The following OR8G1 variants were observed in gnomAD, a reference collection of about 807,000 sequenced individuals.
OR8G1 encodes the protein olfactory receptor family 8 subfamily G member 1.
For missense variants in OR8G1, 372 were observed against 356.2 expected, an observed-to-expected ratio of 1.04 and a Z score of -0.36; for synonymous variants, 129 against 133.3, an observed-to-expected ratio of 0.97 and a Z score of 0.22.
At chr11:124,247,184 G>T (rs1861820265) in intron 1 of OR8G1, among the ~76,000 whole-genome samples, 1 of 151,648 alleles carries the variant, frequency 6.6e-6, no homozygotes, top group Admixed American at 6.6e-5. Context: ...AACAACTAAA[G>T]TAGAAATAAA....
chr11:124,245,944 A>G (rs1861806878), intron 1 of OR8G1, among the ~76,000 whole-genome samples: 2 of 133,526 alleles, frequency 1.5e-5, no homozygotes, highest in South Asian at 2.9e-4. Flanking sequence ...GGTTGCGAAA[A>G]TTTTCTCCCA....
At chr11:124,246,266 G>A (rs2466638) in intron 1 of OR8G1, among the ~76,000 whole-genome samples, 77,581 of 151,700 alleles carry the variant, frequency 0.51, 20,468 homozygotes, top group South Asian at 0.7. Flanking sequence ...TATAAACATT[G>A]CATGTATTTT....
rs549844497 is a variant in OR8G1 at position 124,253,638 on chromosome 11, A to G, written c.*3027A>G. The stretch of plus-strand genomic sequence containing the variant: ...TAATCCAATAGATTTTTATTACTAT[A>G]GTTACCATTTATACAATAGTTTTTA... On this transcript the variant is annotated 3_prime_UTR_variant, in exon 3 of 3. Coordinates refer to ENST00000641972, the MANE Select transcript of OR8G1 (RefSeq NM_001002905.2). 1.4e-5 allele frequency: 2 copies of G among 142,280 alleles called. No individual in the cohort carries two copies. The highest frequency in any genetic ancestry group is 3.1e-5 in the Non-Finnish European group (2 of 64,308). 8.8% of individuals were successfully genotyped at this position (142,280 alleles called of 1,614,324 possible).
Position 124,250,057 on chromosome 11 carries a change from A to G in OR8G1, c.382A>G (p.Ser128Gly), listed in dbSNP as rs1228494462. Residue 128 changes from serine (S) to glycine (G), a missense_variant, in exon 3 of 3, where the codon AGC becomes GGC. Physicochemically the swap from Ser to Gly is moderately conservative, Grantham distance 56. Coordinates refer to ENST00000641972, the MANE Select transcript of OR8G1 (RefSeq NM_001002905.2). The part of the protein sequence containing the change: ...MAYDRYMAIC[S>G]PLLYSVIISN... ...GTATGACCGTTACATGGCCATCTGT[A>G]GCCCCTTGCTGTACAGTGTCATCAT... 1 of 1,613,680 alleles carries G rather than the reference A, an allele frequency of 6.2e-7. No homozygotes were observed. The highest frequency in any genetic ancestry group is 8.5e-7 in the Non-Finnish European group (1 of 1,179,864).
intron 1 of OR8G1, among the ~76,000 whole-genome samples, chr11:124,244,160 G>A (rs1861789284): frequency 6.6e-6 from 1 of 151,792 alleles, no homozygotes; most frequent in Non-Finnish European, 1.5e-5. Flanking sequence ...GAGAGGGAGA[G>A]AGAGATGGAG....
At chr11:124,246,762 A>G (rs1477356562) in intron 1 of OR8G1, among the ~76,000 whole-genome samples, 1 of 151,618 alleles carries the variant, frequency 6.6e-6, no homozygotes, top group Non-Finnish European at 1.5e-5. Context: ...AATTGACCAT[A>G]TGGTGTACTA....
At chr11:124,245,959 G>A (rs1391571489) in intron 1 of OR8G1, among the ~76,000 whole-genome samples, 1 of 129,826 alleles carries the variant, frequency 7.7e-6, no homozygotes, top group Non-Finnish European at 1.6e-5. Flanking sequence ...CTCCCATGTT[G>A]TAGGTTGCCT....
chr11:124,251,548 A>G lies in OR8G1; in HGVS notation c.*937A>G, dbSNP rs183158946. The G allele has an allele frequency of 2.7e-3, 1,010 of 375,348 alleles. 149 individuals are homozygous for G. Among genetic ancestry groups the G allele is most frequent in the Non-Finnish European group, 4.2e-3 (905 of 214,176 alleles). 23.3% of individuals were successfully genotyped at this position (375,348 alleles called of 1,614,324 possible). A position where few individuals can be genotyped will look rare whatever the true frequency, so the allele number is the denominator to read the frequency against. ...TGTATTTGTTCTGTGAAAAATCCCA[A>G]TGCAGATATGATAACTTGTTAACAC... On this transcript the variant is annotated 3_prime_UTR_variant, in exon 3 of 3. Coordinates refer to ENST00000641972, the MANE Select transcript of OR8G1 (RefSeq NM_001002905.2).
At chr11:124,243,276 A>G (rs1861777301) in intron 1 of OR8G1, among the ~76,000 whole-genome samples, 2 of 151,874 alleles carry the variant, frequency 1.3e-5, no homozygotes, top group Non-Finnish European at 2.9e-5. Flanking sequence ...CAGGAGCCCT[A>G]TATTTTTTAT....
intron 1 of OR8G1, among the ~76,000 whole-genome samples, chr11:124,246,417 G>A (rs1861811108): frequency 6.6e-6 from 1 of 151,828 alleles, no homozygotes; most frequent in Admixed American, 6.6e-5. Flanking sequence ...AGAGAATGGA[G>A]AATAATGTGA....
chr11:124,243,568 C>T (rs1861780696), intron 1 of OR8G1, among the ~76,000 whole-genome samples: 1 of 151,952 alleles, frequency 6.6e-6, no homozygotes, highest in South Asian at 2.1e-4. Flanking sequence ...TTCTCTTCTT[C>T]TTAACACAGT....
In OR8G1 at chr11:124,250,343, C is replaced by T; in HGVS notation, c.668C>T (p.Ala223Val). Residue 223 changes from alanine (A) to valine (V), a missense_variant, in exon 3 of 3, where the codon GCC (alanine) becomes GTC (valine). Coordinates refer to ENST00000641972, the MANE Select transcript of OR8G1 (RefSeq NM_001002905.2). Reference sequence around the variant, plus strand: ...CTTTGCTCTTACATCTTTATTATTGCCAGCATCCTCCACATTCGCTCCACT... The same window carrying T: ...CTTTGCTCTTACATCTTTATTATTGTCAGCATCCTCCACATTCGCTCCACT... ...TILCSYIFII[A>V]SILHIRSTEG... 6.2e-7 allele frequency: 1 copy of T among 1,613,770 alleles called. No individual in the cohort carries two copies. The highest frequency in any genetic ancestry group is 8.5e-7 in the Non-Finnish European group (1 of 1,179,810).
rs1470897483 is a variant in OR8G1, at chr11:124,250,910, T to C, written c.*299T>C. ...TTTTACACAATTGATAAAATTCAGC[T>C]CAGTTCTCAACCATAATGAAAATAC... On this transcript the variant is annotated 3_prime_UTR_variant, in exon 3 of 3. Coordinates refer to ENST00000641972, the MANE Select transcript of OR8G1 (RefSeq NM_001002905.2). 6 of 138,186 alleles carry C rather than the reference T, an allele frequency of 4.3e-5. 2 individuals carry two copies. The highest frequency in any genetic ancestry group is 2.6e-4 in the African/African-American group (6 of 23,266). The allele number at this position is 138,186 out of a possible 1,614,324, so 8.6% of individuals were successfully genotyped here. A position where few individuals can be genotyped will look rare whatever the true frequency, so the allele number is the denominator to read the frequency against.
chr11:124,241,783 C>T (rs1235074996), intron 1 of OR8G1, among the ~76,000 whole-genome samples: 1 of 152,068 alleles, frequency 6.6e-6, no homozygotes, highest in Non-Finnish European at 1.5e-5. Context: ...TGAAAAGGCT[C>T]AGTGAATGTG....
intron 1 of OR8G1, among the ~76,000 whole-genome samples, chr11:124,244,428 G>A (rs1486589463): frequency 6.6e-6 from 1 of 151,888 alleles, no homozygotes; most frequent in Admixed American, 6.6e-5. Context: ...GTTTAAATAT[G>A]TCCTACATCT....
At chr11:124,246,765 G>C (rs2466639) in intron 1 of OR8G1, among the ~76,000 whole-genome samples, 134,025 of 151,190 alleles carry the variant, frequency 0.89, 59,596 homozygotes, top group African/African-American at 0.96. Context: ...TGACCATATG[G>C]TGTACTATAA....
In OR8G1 at chr11:124,251,461, G is replaced by T. The variant is rs1861866925; in HGVS notation, c.*850G>T. ...AGTTGATTAAAATTTACTTTAGAAG[G>T]TTCTTCAAGAATCTATAATATAACT... On this transcript the variant is annotated 3_prime_UTR_variant, in exon 3 of 3. Transcript: ENST00000641972. 2 of 790,146 alleles carry T rather than the reference G, an allele frequency of 2.5e-6. No homozygotes were observed. Among genetic ancestry groups the T allele is most frequent in the Admixed American group, 3.4e-5 (1 of 29,198 alleles). The allele number at this position is 790,146 out of a possible 1,614,324, so 48.9% of individuals were successfully genotyped here.
intron 1 of OR8G1, among the ~76,000 whole-genome samples, chr11:124,246,103 T>C (rs1386920856): frequency 2.0e-5 from 3 of 151,702 alleles, no homozygotes; most frequent in Non-Finnish European, 2.9e-5. Flanking sequence ...GCCTATGTCC[T>C]GAATGGTAAT....
chr11:124,241,652 A>G (rs1400401410), intron 1 of OR8G1, among the ~76,000 whole-genome samples: 2 of 152,138 alleles, frequency 1.3e-5, no homozygotes, highest in African/African-American at 4.8e-5. Context: ...ACTTAATTAC[A>G]ATAAACTGGA....
Sources: gnomAD v4.1 joint callset for allele counts (sites outside exome capture counted in the v4.1 genomes callset) on GRCh38, gnomAD v4.1.1 for gene constraint, MANE v1.5 for transcripts, NCBI Gene and HGNC (gene_info 2026-07-23, HGNC 2026-07-21) for gene names.